IRF2: variants seen among roughly 807,000 people sequenced by gnomAD.
IRF2 encodes interferon regulatory factor 2.
In IRF2, 15 loss-of-function variants were observed where a neutral mutation model predicts 40.6. The observed-to-expected ratio is 0.37, with a 90% CI of 0.25 to 0.57. The LOEUF is 0.57. Among genes scored for constraint, IRF2 ranks in the 20% least tolerant of loss-of-function variants. The pLI is 0.77. For synonymous variants in IRF2, 151 were observed against 165.5 expected (o/e 0.91, Z 0.67); for missense variants, 317 against 455.7 (o/e 0.70, Z 2.77).
At chr4:184,471,599 A>T (rs1739517009) in intron 1 of IRF2, among the ~76,000 whole-genome samples, 1 of 152,160 alleles carries the variant, frequency 6.6e-6, no homozygotes. Context: ...GTACGAGATG[A>T]TGTTAAGAAT....
At chr4:184,396,436 CTTTTTTTTTT>C (rs749998648) in intron 7 of IRF2, among the ~76,000 whole-genome samples, 1 of 134,724 alleles carries the variant, frequency 7.4e-6, no homozygotes, top group Middle Eastern at 3.5e-3. Flanking sequence ...ATTTTTTTTT[CTTTTTTTTTT>C]TTTTTAAGAC....
At chr4:184,407,834 G>A (rs1032850806) in intron 6 of IRF2, among the ~76,000 whole-genome samples, 2 of 152,132 alleles carry the variant, frequency 1.3e-5, no homozygotes, top group Non-Finnish European at 2.9e-5. Flanking sequence ...CTTGGTTCCC[G>A]AGTTAAATAA....
chr4:184,452,283 G>A (rs983036195), intron 1 of IRF2, among the ~76,000 whole-genome samples: 1 of 152,178 alleles, frequency 6.6e-6, no homozygotes, highest in African/African-American at 2.4e-5. Context: ...AAATTATACC[G>A]CTGCACAAAG....
At chr4:184,440,706 C>G (rs959419558) in intron 1 of IRF2, among the ~76,000 whole-genome samples, 1 of 152,248 alleles carries the variant, frequency 6.6e-6, no homozygotes, top group African/African-American at 2.4e-5. Context: ...CCCTCCCTGC[C>G]TCCAGCTTCA....
chr4:184,407,486 G>A (rs1418802505), intron 6 of IRF2, among the ~76,000 whole-genome samples: 1 of 152,182 alleles, frequency 6.6e-6, no homozygotes, highest in Non-Finnish European at 1.5e-5. Flanking sequence ...CAACTGTTAC[G>A]AAGGAGGGAA....
chr4:184,395,903 A>T (rs551583166), intron 7 of IRF2, among the ~76,000 whole-genome samples: 1 of 152,344 alleles, frequency 6.6e-6, no homozygotes, highest in South Asian at 2.1e-4. Context: ...GTTCTCCGGA[A>T]TCTTTTGCTT....
At chr4:184,452,704 G>A (rs772916141) in intron 1 of IRF2, among the ~76,000 whole-genome samples, 14 of 142,220 alleles carry the variant, frequency 9.8e-5, no homozygotes, top group Non-Finnish European at 1.7e-4. Flanking sequence ...CCAGGAGGTA[G>A]AGGCTGCAGT....
At chr4:184,456,860 C>T (rs1010073664) in intron 1 of IRF2, among the ~76,000 whole-genome samples, 1 of 152,168 alleles carries the variant, frequency 6.6e-6, no homozygotes, top group African/African-American at 2.4e-5. Context: ...ACAGTGGAGA[C>T]GGTGAAATAC....
intron 6 of IRF2, among the ~76,000 whole-genome samples, chr4:184,405,480 C>T (rs1244137639): frequency 6.6e-6 from 1 of 152,178 alleles, no homozygotes; most frequent in Non-Finnish European, 1.5e-5. Flanking sequence ...GAGCTTAACT[C>T]GTTCAGAGTA....
At chr4:184,443,276 A>G (rs1363851675) in intron 1 of IRF2, among the ~76,000 whole-genome samples, 1 of 152,142 alleles carries the variant, frequency 6.6e-6, no homozygotes, top group Non-Finnish European at 1.5e-5. Context: ...GTATATTGCA[A>G]TGATACTGGG....
chr4:184,460,304 G>C (rs995093067), intron 1 of IRF2, among the ~76,000 whole-genome samples: 1 of 152,240 alleles, frequency 6.6e-6, no homozygotes, highest in Non-Finnish European at 1.5e-5. Flanking sequence ...AAAGTAGAAT[G>C]CTGGCTGCCA....
intron 1 of IRF2, among the ~76,000 whole-genome samples, chr4:184,443,689 C>T (rs1344082947): frequency 1.3e-5 from 2 of 152,158 alleles, no homozygotes; most frequent in Non-Finnish European, 2.9e-5. Flanking sequence ...GTACAGGTAT[C>T]TTTTGCTAGA....
intron 5 of IRF2, among the ~76,000 whole-genome samples, chr4:184,411,899 C>T (rs1737087380): frequency 6.6e-6 from 1 of 151,312 alleles, no homozygotes; most frequent in African/African-American, 2.4e-5. Context: ...TCAGGATTCA[C>T]ATCCCCTCTG....
At chr4:184,422,184 C>G (rs187259916) in intron 2 of IRF2, among the ~76,000 whole-genome samples, 1 of 152,270 alleles carries the variant, frequency 6.6e-6, no homozygotes, top group East Asian at 1.9e-4. Flanking sequence ...CCCAAAGAAG[C>G]CTCGTTTTTT....
At chr4:184,436,972 A>G (rs1738101944) in intron 1 of IRF2, among the ~76,000 whole-genome samples, 1 of 152,172 alleles carries the variant, frequency 6.6e-6, no homozygotes, top group African/African-American at 2.4e-5. Context: ...TACAGTCCTG[A>G]CTTCCTGGGT....
At chr4:184,390,832 G>C (rs1167812249) in intron 7 of IRF2, 83 bp from the exon 8 acceptor site, 3 of 1,431,636 alleles carry the variant, frequency 2.1e-6, no homozygotes, top group Non-Finnish European at 3.0e-6. Context: ...ATAAAAAGGA[G>C]ACTGAGTAAC....
At chr4:184,399,479 A>G (rs949973840) in intron 6 of IRF2, among the ~76,000 whole-genome samples, 6 of 152,202 alleles carry the variant, frequency 3.9e-5, no homozygotes, top group Non-Finnish European at 8.8e-5. Context: ...GCTCCAAAAG[A>G]AGGCGCTGTG....
chr4:184,392,947 C>G (rs977939059), intron 7 of IRF2, among the ~76,000 whole-genome samples: 3 of 152,080 alleles, frequency 2.0e-5, no homozygotes, highest in African/African-American at 7.2e-5. Flanking sequence ...CCAGAGAAGC[C>G]CTCAGCCTCA....
chr4:184,444,668 T>C (rs149625799), intron 1 of IRF2, among the ~76,000 whole-genome samples: 60 of 152,284 alleles, frequency 3.9e-4, no homozygotes, highest in Non-Finnish European at 8.4e-4. Flanking sequence ...TAATAGAGTA[T>C]TGGGACTACA....
Sources: gnomAD v4.1 joint callset for allele counts (sites outside exome capture counted in the v4.1 genomes callset) on GRCh38, gnomAD v4.1.1 for gene constraint, MANE v1.5 for transcripts, NCBI Gene and HGNC (gene_info 2026-07-23, HGNC 2026-07-21) for gene names.